Variants in TEX10 observed in about 807,000 individuals in gnomAD.
TEX10 encodes the protein testis-expressed protein 10.
TEX10 carries 24 observed loss-of-function variants against 104.4 expected under a neutral mutation model. The observed-to-expected ratio is 0.23, with a 90% CI of 0.17 to 0.32. TEX10 has a LOEUF of 0.32. Among genes scored for constraint, TEX10 ranks in the 10% least tolerant of loss-of-function variants. The pLI is 1.00. For missense variants in TEX10, 921 were observed against 1,083.9 expected (o/e 0.85, Z 2.11); for synonymous variants, 396 against 393.4 (o/e 1.01, Z -0.08).
intron 11 of TEX10, 35 bp from the exon 12 acceptor site, chr9:100,310,414 G>C (rs762945668): frequency 6.5e-7 from 1 of 1,543,594 alleles, no homozygotes; most frequent in Admixed American, 1.8e-5. Context: ...AACCAAATCA[G>C]AACATTTTAG....
At chr9:100,346,623 C>T (rs1835305273) in intron 3 of TEX10, 71 bp downstream of exon 3, 2 of 1,450,636 alleles carry the variant, frequency 1.4e-6, no homozygotes, top group Non-Finnish European at 1.9e-6. Context: ...TTCCCACCAA[C>T]AGTCATCAAT....
intron 13 of TEX10, chr9:100,306,623 T>C (rs4743392): frequency 0.63 from 95,114 of 152,062 alleles, 31,479 homozygotes; most frequent in East Asian, 0.89. Flanking sequence ...TTGATTAGCA[T>C]TTTCATCATT....
At chr9:100,329,740 C>T (rs1025861933) in intron 6 of TEX10, among the ~76,000 whole-genome samples, 191 bp downstream of exon 6, 1 of 151,986 alleles carries the variant, frequency 6.6e-6, no homozygotes, top group African/African-American at 2.4e-5. Flanking sequence ...TCAGAGTGGA[C>T]CTACCCACTT....
chr9:100,338,120 G>A (rs13293829), intron 5 of TEX10, among the ~76,000 whole-genome samples: 1,907 of 152,278 alleles, frequency 0.013, 21 homozygotes, highest in African/African-American at 0.022. Flanking sequence ...TGCCAATAAA[G>A]GGGTGGTACA....
rs569149095 is a variant in TEX10 at position 100,306,166 on chromosome 9, T to C, written c.2466-2324A>G. On this transcript the variant is annotated intron_variant, in intron 13 of 14. Transcript: ENST00000374902. ...AGGATTAAGTAAAAGAATTAGCAAA[T>C]TGAAAGATTTTTAAGAGACGAAGAC... is the stretch of plus-strand genomic sequence containing the variant. 1.4e-4 allele frequency: 22 copies of C among 152,098 alleles called. No individual in the cohort carries two copies. The South Asian group carries it at 2.7e-3, about 19-fold the overall frequency. 9.4% of individuals were successfully genotyped at this position (152,098 alleles called of 1,614,324 possible).
intron 5 of TEX10, among the ~76,000 whole-genome samples, chr9:100,335,394 G>A (rs2118903814): frequency 6.6e-6 from 1 of 152,086 alleles, no homozygotes; most frequent in African/African-American, 2.4e-5. Flanking sequence ...GGTAGAGATG[G>A]GTTTCACCGT....
At chr9:100,306,062 G>A (rs999742167) in intron 13 of TEX10, 1 of 151,990 alleles carries the variant, frequency 6.6e-6, no homozygotes, top group Non-Finnish European at 1.5e-5. Context: ...ACGCGAAAAT[G>A]ACAAAATACC....
Position 100,310,286 on chromosome 9 carries a change from T to G in TEX10, c.2283+13A>C. ...GTGTTCATTCTTAAGAGAAAAAGTT[T>G]AAGGATACTTACCAAATGCTTACTG... is the stretch of plus-strand genomic sequence containing the variant. On this transcript the variant is annotated intron_variant, in intron 12 of 14. Coordinates refer to ENST00000374902, the MANE Select transcript of TEX10 (RefSeq NM_017746.4). The G allele has an allele frequency of 1.2e-6, 2 of 1,612,680 alleles. No individual in the cohort carries two copies. Among genetic ancestry groups the G allele is most frequent in the Non-Finnish European group, 1.7e-6 (2 of 1,178,880 alleles).
chr9:100,325,580 G>T (rs1196011496), intron 9 of TEX10, among the ~76,000 whole-genome samples: 1 of 152,094 alleles, frequency 6.6e-6, no homozygotes, highest in Non-Finnish European at 1.5e-5. Flanking sequence ...GCCCAGATTG[G>T]AGTGCAGTGG....
intron 5 of TEX10, among the ~76,000 whole-genome samples, chr9:100,333,718 A>G (rs184408081): frequency 1.4e-3 from 216 of 152,232 alleles, no homozygotes; most frequent in African/African-American, 4.9e-3. Context: ...CCCATTTTCA[A>G]GACTCCCAAT....
chr9:100,316,214 T>A (rs1041881749), intron 11 of TEX10, among the ~76,000 whole-genome samples: 2 of 152,012 alleles, frequency 1.3e-5, no homozygotes, highest in African/African-American at 4.8e-5. Flanking sequence ...GCAAGAATGG[T>A]TCAGTATACA....
intron 11 of TEX10, among the ~76,000 whole-genome samples, chr9:100,316,552 TA>T (rs1383881847): frequency 2.0e-5 from 3 of 151,742 alleles, no homozygotes; most frequent in Non-Finnish European, 2.9e-5. Context: ...AGAAAAAAAA[TA>T]AAAGACATCC....
intron 5 of TEX10, among the ~76,000 whole-genome samples, chr9:100,332,182 A>G (rs1834879443): frequency 6.6e-6 from 1 of 152,258 alleles, no homozygotes. Context: ...CTGCAAAGAA[A>G]ACTGGGAAAT....
Position 100,310,329 on chromosome 9 carries a change from G to A in TEX10, c.2253C>T (p.Asp751=), listed in dbSNP as rs1362478142. Residue 751 remains aspartate, a synonymous_variant, in exon 12 of 15, where the codon GAC becomes GAT. Coordinates refer to ENST00000374902, the MANE Select transcript of TEX10 (RefSeq NM_017746.4). ...LVIPARSQNF[D]ILQSAISKHL... ...GCTTACTGATGGCACTTTGCAAGAT[G>A]TCAAAGTTCTGACTTCGGGCAGGAA... 1.2e-6 allele frequency: 2 copies of A among 1,614,168 alleles called. No homozygotes were observed. Among genetic ancestry groups the A allele is most frequent in the Non-Finnish European group, 8.5e-7 (1 of 1,180,016 alleles).
At chr9:100,325,924 TCAGTC>T (rs1035220263) in intron 9 of TEX10, among the ~76,000 whole-genome samples, 19 of 152,302 alleles carry the variant, frequency 1.2e-4, no homozygotes, top group East Asian at 5.8e-4. Flanking sequence ...ATTCCTGGTC[TCAGTC>T]CACAAGCTTG....
At chr9:100,317,012 A>G (rs2118853397) in intron 11 of TEX10, among the ~76,000 whole-genome samples, 1 of 152,230 alleles carries the variant, frequency 6.6e-6, no homozygotes, top group South Asian at 2.1e-4. Flanking sequence ...AACAAATGGA[A>G]AAACATTCAA....
At chr9:100,308,419 T>C in intron 13 of TEX10, 81 bp downstream of exon 13, 1 of 1,253,270 alleles carries the variant, frequency 8.0e-7, no homozygotes, top group Non-Finnish European at 1.1e-6. Flanking sequence ...AACCTAATTA[T>C]CTTTAACTGT....
intron 11 of TEX10, among the ~76,000 whole-genome samples, chr9:100,316,761 C>T (rs1434838584): frequency 1.3e-5 from 2 of 151,894 alleles, no homozygotes; most frequent in Non-Finnish European, 2.9e-5. Context: ...GCCACCATAT[C>T]CAACTAGATG....
At chr9:100,344,836 A>T (rs1835262841) in intron 4 of TEX10, among the ~76,000 whole-genome samples, 1 of 152,198 alleles carries the variant, frequency 6.6e-6, no homozygotes, top group South Asian at 2.1e-4. Flanking sequence ...ACAAGAGCGA[A>T]ACTATGTCTC....
Sources: gnomAD v4.1 joint callset for allele counts (sites outside exome capture counted in the v4.1 genomes callset) on GRCh38, gnomAD v4.1.1 for gene constraint, MANE v1.5 for transcripts, NCBI Gene and HGNC (gene_info 2026-07-23, HGNC 2026-07-21) for gene names.